The following ZNF385D variants were observed in gnomAD, a reference collection of about 807,000 sequenced individuals.
ZNF385D encodes zinc finger protein 385D.
ZNF385D carries 15 observed loss-of-function variants against 35.8 expected under a neutral mutation model. The observed-to-expected ratio is 0.42, with a 90% CI of 0.28 to 0.64. The LOEUF is 0.64. Among genes scored for constraint, ZNF385D ranks in the 30% least tolerant of loss-of-function variants. The pLI is 0.23. For synonymous variants in ZNF385D, 212 were observed against 186.8 expected (o/e 1.13, Z -1.10); for missense variants, 474 against 494.6 (o/e 0.96, Z 0.39).
intron 1 of ZNF385D, among the ~76,000 whole-genome samples, chr3:21,698,081 T>C (rs779178319): frequency 3.3e-5 from 5 of 152,116 alleles, no homozygotes; most frequent in Non-Finnish European, 7.4e-5. Context: ...TTCAACCCAT[T>C]AATCCCACTA....
At chr3:21,713,544 C>A (rs1350185079) in intron 1 of ZNF385D, among the ~76,000 whole-genome samples, 1 of 152,138 alleles carries the variant, frequency 6.6e-6, no homozygotes, top group Non-Finnish European at 1.5e-5. Context: ...ATCCTCCAAA[C>A]AATCACTACC....
At chr3:21,940,341 A>C (rs1043022609) in intron 3 of ZNF385D, among the ~76,000 whole-genome samples, 1 of 152,130 alleles carries the variant, frequency 6.6e-6, no homozygotes, top group South Asian at 2.1e-4. Flanking sequence ...CAAGTTGCTT[A>C]CTCCCCATGT....
intron 3 of ZNF385D, among the ~76,000 whole-genome samples, chr3:21,775,764 T>C (rs1315009025): frequency 1.3e-5 from 2 of 151,880 alleles, no homozygotes; most frequent in Non-Finnish European, 2.9e-5. Context: ...AAGAATATCC[T>C]TCTAGAGTAA....
chr3:21,682,729 T>C (rs2066957308), intron 1 of ZNF385D, among the ~76,000 whole-genome samples: 1 of 141,678 alleles, frequency 7.1e-6, no homozygotes, highest in African/African-American at 2.6e-5. Context: ...GAAGACAAAC[T>C]TTTTTTTTTT....
At chr3:21,921,951 A>G (rs193043825) in intron 3 of ZNF385D, among the ~76,000 whole-genome samples, 13 of 152,298 alleles carry the variant, frequency 8.5e-5, no homozygotes, top group Admixed American at 5.2e-4. Context: ...TACTGAAACT[A>G]TTTCAAAAAA....
chr3:22,117,927 A>G (rs1702892659), intron 3 of ZNF385D, among the ~76,000 whole-genome samples: 1 of 152,076 alleles, frequency 6.6e-6, no homozygotes, highest in East Asian at 1.9e-4. Context: ...ACATCTGAAC[A>G]TGGTACTCTA....
At chr3:21,704,850 T>C (rs550625589) in intron 1 of ZNF385D, among the ~76,000 whole-genome samples, 2 of 152,314 alleles carry the variant, frequency 1.3e-5, no homozygotes, top group Admixed American at 6.5e-5. Context: ...ATTTCTCACA[T>C]AGTGCTAGAA....
intron 3 of ZNF385D, among the ~76,000 whole-genome samples, chr3:21,995,147 C>T (rs1695381324): frequency 6.6e-6 from 1 of 152,222 alleles, no homozygotes; most frequent in Non-Finnish European, 1.5e-5. Context: ...CCTTCAGGCC[C>T]CTAGGCAACA....
intron 3 of ZNF385D, among the ~76,000 whole-genome samples, chr3:22,004,397 A>G (rs1195379534): frequency 6.6e-6 from 1 of 152,236 alleles, no homozygotes; most frequent in South Asian, 2.1e-4. Context: ...CTAGACTTCA[A>G]AAGCACAAGC....
intron 2 of ZNF385D, among the ~76,000 whole-genome samples, chr3:22,310,874 A>C (rs185147528): frequency 6.6e-6 from 1 of 151,806 alleles, no homozygotes; most frequent in Non-Finnish European, 1.5e-5. Context: ...GTACAATTTT[A>C]TATTAAAGAT....
At chr3:21,784,982 A>C (rs2071628529) in intron 3 of ZNF385D, among the ~76,000 whole-genome samples, 1 of 152,058 alleles carries the variant, frequency 6.6e-6, no homozygotes, top group Non-Finnish European at 1.5e-5. Context: ...TGACCCCTTA[A>C]ATGCTATCTG....
chr3:21,443,455 G>T, intron 4 of ZNF385D: 3 of 458,014 alleles, frequency 6.6e-6, no homozygotes, highest in Non-Finnish European at 8.6e-6. Context: ...ACAGGATGCT[G>T]TGTTAATCAC....
intron 2 of ZNF385D, among the ~76,000 whole-genome samples, chr3:21,616,517 G>A (rs2064851573): frequency 6.6e-6 from 1 of 152,136 alleles, no homozygotes; most frequent in Admixed American, 6.5e-5. Context: ...ACTAGTCACA[G>A]CAAAATACAC....
At chr3:22,234,653 C>G (rs1483192899) in intron 2 of ZNF385D, among the ~76,000 whole-genome samples, 1 of 151,946 alleles carries the variant, frequency 6.6e-6, no homozygotes, top group Non-Finnish European at 1.5e-5. Flanking sequence ...GGGATATATT[C>G]CCTTTGTGTT....
chr3:21,531,938 T>C (rs2061932382), intron 3 of ZNF385D, among the ~76,000 whole-genome samples: 1 of 152,174 alleles, frequency 6.6e-6, no homozygotes, highest in Non-Finnish European at 1.5e-5. Context: ...GAAACAAATG[T>C]ACCATTCTAG....
intron 3 of ZNF385D, among the ~76,000 whole-genome samples, chr3:21,919,470 T>C (rs974364347): frequency 6.6e-6 from 1 of 152,242 alleles, no homozygotes; most frequent in Non-Finnish European, 1.5e-5. Flanking sequence ...TGTATTTCAC[T>C]ATATGTAAAT....
At chr3:22,215,417 T>A (rs1697806861) in intron 2 of ZNF385D, among the ~76,000 whole-genome samples, 1 of 152,000 alleles carries the variant, frequency 6.6e-6, no homozygotes, top group African/African-American at 2.4e-5. Context: ...AGAGAATGCA[T>A]CCCTGAAGGT....
intron 5 of ZNF385D, among the ~76,000 whole-genome samples, chr3:21,430,839 A>G (rs1701261433): frequency 6.6e-6 from 1 of 152,188 alleles, no homozygotes; most frequent in African/African-American, 2.4e-5. Flanking sequence ...ACATGCAACA[A>G]TTAATAAATG....
At chr3:22,177,588 T>C (rs1694921993) in intron 2 of ZNF385D, among the ~76,000 whole-genome samples, 1 of 152,222 alleles carries the variant, frequency 6.6e-6, no homozygotes, top group South Asian at 2.1e-4. Context: ...TATGACTTTT[T>C]TTTATTATTA....
Sources: allele counts gnomAD v4.1 joint callset (sites outside exome capture counted in the v4.1 genomes callset), GRCh38; gene constraint gnomAD v4.1.1; transcripts MANE v1.5; gene names NCBI Gene and HGNC (gene_info 2026-07-23, HGNC 2026-07-21).